The following RAP1GAP2 variants were observed in gnomAD, a reference collection of about 807,000 sequenced individuals.
RAP1GAP2 encodes rap1 GTPase-activating protein 2.
In RAP1GAP2, 27 loss-of-function variants were observed where a neutral mutation model predicts 95.0. That is an observed-to-expected ratio of 0.28 (90% CI 0.21 to 0.39). The LOEUF (loss-of-function observed/expected upper bound fraction) is 0.39. Ranked by LOEUF, RAP1GAP2 falls within the 10% of genes least tolerant of loss-of-function variation. The pLI, the probability that RAP1GAP2 is intolerant of heterozygous loss-of-function variation, is 1.00. For synonymous variants in RAP1GAP2, 373 were observed against 380.9 expected (o/e 0.98, Z 0.24); for missense variants, 771 against 970.0 (o/e 0.79, Z 2.72).
chr17:2,846,533 C>T (rs1402925532), intron 2 of RAP1GAP2, among the ~76,000 whole-genome samples: 1 of 152,076 alleles, frequency 6.6e-6, no homozygotes, highest in Non-Finnish European at 1.5e-5. Context: ...GCCTTAGCCT[C>T]CCGAGTAGCT....
At chr17:2,782,291 G>A (rs2068680183) in intron 1 of RAP1GAP2, among the ~76,000 whole-genome samples, 1 of 152,178 alleles carries the variant, frequency 6.6e-6, no homozygotes, top group South Asian at 2.1e-4. Context: ...CCATCCTCCC[G>A]AGCTCTGAGC....
chr17:2,910,506 C>T (rs1481855133), intron 3 of RAP1GAP2, among the ~76,000 whole-genome samples: 14 of 152,098 alleles, frequency 9.2e-5, no homozygotes, highest in Admixed American at 2.6e-4. Context: ...CTTTGAGCCT[C>T]GGGCAGTGGG....
chr17:2,985,184 C>T (rs1197460123), intron 11 of RAP1GAP2, 118 bp downstream of exon 11: 16 of 1,514,402 alleles, frequency 1.1e-5, no homozygotes, highest in South Asian at 9.4e-5. Context: ...TGGAATACAA[C>T]GGTCACATTT....
chr17:3,028,094 G>A (rs1354226061), intron 22 of RAP1GAP2, among the ~76,000 whole-genome samples: 1 of 151,884 alleles, frequency 6.6e-6, no homozygotes, highest in East Asian at 1.9e-4. Context: ...GTCATTGGGC[G>A]AGTCACCAAG....
At chr17:2,881,167 A>G (rs1201587281) in intron 2 of RAP1GAP2, among the ~76,000 whole-genome samples, 2 of 152,016 alleles carry the variant, frequency 1.3e-5, no homozygotes, top group African/African-American at 4.8e-5. Flanking sequence ...AGGCTGAGGC[A>G]GGAGGATTGC....
intron 8 of RAP1GAP2, among the ~76,000 whole-genome samples, chr17:2,967,645 C>T (rs1185885808): frequency 3.3e-5 from 5 of 152,142 alleles, no homozygotes; most frequent in East Asian, 1.9e-4. Flanking sequence ...TACCCCAGCT[C>T]GGAAGTTGGG....
At chr17:2,886,330 G>A (rs1174069802) in intron 2 of RAP1GAP2, among the ~76,000 whole-genome samples, 2 of 151,650 alleles carry the variant, frequency 1.3e-5, no homozygotes, top group South Asian at 2.1e-4. Flanking sequence ...ACGCCACCAC[G>A]CCCAGCTAAT....
intron 2 of RAP1GAP2, among the ~76,000 whole-genome samples, chr17:2,831,755 TGTG>T (rs1282003050): frequency 6.6e-6 from 1 of 151,820 alleles, no homozygotes; most frequent in African/African-American, 2.4e-5. Flanking sequence ...AAAAATTAGA[TGTG>T]GTGGTGCACA....
chr17:2,965,436 TC>T lies in RAP1GAP2; in HGVS notation c.493-102del. On this transcript the variant is annotated intron_variant, in intron 7 of 24. Transcript: ENST00000254695. This position sits in a 1 kb window ranked among gnomAD's most constrained non-coding sequence, Gnocchi z 4.7. ...ATTGTCATCAGTAGCATCCTTCTCT[TC>T]CTTGTTGCTGTGGGGCTTCTCCTGG... is the stretch of plus-strand genomic sequence containing the variant. 1 of 831,836 alleles carries T rather than the reference TC, an allele frequency of 1.2e-6. No homozygotes were observed. Among genetic ancestry groups the T allele is most frequent in the East Asian group, 2.7e-5 (1 of 37,646 alleles). 51.5% of individuals were successfully genotyped at this position (831,836 alleles called of 1,614,324 possible).
At chr17:2,988,661 G>A (rs1277526466) in intron 11 of RAP1GAP2, among the ~76,000 whole-genome samples, 3 of 152,204 alleles carry the variant, frequency 2.0e-5, no homozygotes, top group African/African-American at 7.2e-5. Context: ...AAGTTGCTGT[G>A]AACATCTGTA....
intron 3 of RAP1GAP2, among the ~76,000 whole-genome samples, chr17:2,929,390 G>A (rs1459279650): frequency 6.6e-6 from 1 of 152,090 alleles, no homozygotes; most frequent in East Asian, 1.9e-4. Context: ...CCCTGGCCCC[G>A]CCAGGTGACT....
chr17:3,013,742 A>G (rs1305205865), intron 17 of RAP1GAP2, among the ~76,000 whole-genome samples: 1 of 139,710 alleles, frequency 7.2e-6, no homozygotes, highest in Non-Finnish European at 1.5e-5. Context: ...AGTTTTTAAT[A>G]TACAGGGACC....
chr17:2,896,871 G>C lies in RAP1GAP2; in HGVS notation c.81-8413G>C, dbSNP rs115743498. The stretch of plus-strand genomic sequence containing the variant: ...GGCCCGGGCCTCCCCTTGTGCCCAC[G>C]TGCAGCCACAGGGTCCTGCGCAGGG... On this transcript the variant is annotated intron_variant, in intron 2 of 24. Transcript: ENST00000254695. Among the ~76,000 whole-genome samples the C allele has an allele frequency of 8.6e-3, 1,309 of 152,326 alleles. 18 individuals carry two copies. Among genetic ancestry groups the C allele is most frequent in the African/African-American group, 0.03 (1,232 of 41,586 alleles).
At chr17:2,778,023 TGG>T (rs2068547627) in intron 1 of RAP1GAP2, among the ~76,000 whole-genome samples, 1 of 86,100 alleles carries the variant, frequency 1.2e-5, no homozygotes, top group African/African-American at 5.0e-5. Context: ...GCGGGGAGGC[TGG>T]GAGGCTGGGA....
In RAP1GAP2 at chr17:3,026,624, C is replaced by T. The variant is rs370782710; in HGVS notation, c.1980+160C>T. Among the ~76,000 whole-genome samples, 126 of 152,298 alleles carry T rather than the reference C, an allele frequency of 8.3e-4. 1 individual carries two copies. Among genetic ancestry groups the T allele is most frequent in the African/African-American group, 2.3e-3 (96 of 41,560 alleles). The stretch of plus-strand genomic sequence containing the variant: ...GTGGGCTCGTTGGCCATCACCACCC[C>T]CTGGGCGCAGTGGGTGAGGGGACCT... On this transcript the variant is annotated intron_variant, in intron 21 of 24. Transcript: ENST00000254695.
intron 3 of RAP1GAP2, among the ~76,000 whole-genome samples, chr17:2,949,607 G>A (rs1180487524): frequency 6.6e-6 from 1 of 151,852 alleles, no homozygotes; most frequent in Non-Finnish European, 1.5e-5. Flanking sequence ...AGTGCCTGCT[G>A]TATGCCCTGA....
intron 2 of RAP1GAP2, among the ~76,000 whole-genome samples, chr17:2,811,808 ACCTCAGGTGATCCG>A (rs2069778342): frequency 6.6e-6 from 1 of 151,994 alleles, no homozygotes; most frequent in Non-Finnish European, 1.5e-5. Context: ...CGAACTCCTG[ACCTCAGGTGATCCG>A]CCCACCTCTG....
rs1052249386 is a variant in RAP1GAP2 at position 2,949,296 on chromosome 17, C to T, written c.166-8463C>T. Among the ~76,000 whole-genome samples the T allele has an allele frequency of 1.3e-5, 2 of 152,240 alleles. 1 individual carries two copies. The highest frequency in any genetic ancestry group is 4.1e-4 in the South Asian group (2 of 4,830). ...ATTGATGAGGAGACCCAATTACATG[C>T]CTCTGTGAAAATCCAGCGGCTGGCT... On this transcript the variant is annotated intron_variant, in intron 3 of 24. Coordinates refer to ENST00000254695, the MANE Select transcript of RAP1GAP2 (RefSeq NM_015085.5).
chr17:2,837,852 T>G (rs1200515822), intron 2 of RAP1GAP2, among the ~76,000 whole-genome samples: 3 of 151,760 alleles, frequency 2.0e-5, no homozygotes, highest in African/African-American at 7.3e-5. Context: ...GTGATCTGTC[T>G]GCCTTGGCCT....
Sources: allele counts gnomAD v4.1 joint callset (sites outside exome capture counted in the v4.1 genomes callset), GRCh38; gene constraint gnomAD v4.1.1; non-coding constraint Gnocchi (gnomAD v3.1); transcripts MANE v1.5; gene names NCBI Gene and HGNC (gene_info 2026-07-23, HGNC 2026-07-21).